The following CHRM3 variants were observed in gnomAD, a reference collection of about 807,000 sequenced individuals.
CHRM3 encodes the protein cholinergic receptor muscarinic 3, also known as muscarinic acetylcholine receptor M3.
In CHRM3, 11 loss-of-function variants were observed where a neutral mutation model predicts 41.8. That is an observed-to-expected ratio of 0.26 (90% CI 0.17 to 0.44). The LOEUF is 0.44. Among genes scored for constraint, CHRM3 ranks in the 20% least tolerant of loss-of-function variants. The pLI, the probability that CHRM3 is intolerant of heterozygous loss-of-function variation, is 1.00. For synonymous variants in CHRM3, 297 were observed against 301.4 expected (o/e 0.99, Z 0.15); for missense variants, 571 against 745.4 (o/e 0.77, Z 2.72).
chr1:239,496,354 T>C (rs1667879502), intron 2 of CHRM3, among the ~76,000 whole-genome samples: 1 of 152,128 alleles, frequency 6.6e-6, no homozygotes. Context: ...GTTTATTTAA[T>C]CTCTGTAATC....
intron 3 of CHRM3, among the ~76,000 whole-genome samples, chr1:239,580,734 A>AC (rs1558337296): frequency 4.5e-5 from 4 of 89,096 alleles, no homozygotes; most frequent in African/African-American, 1.3e-4. Context: ...CACACACACA[A>AC]GTGCATATAT....
intron 3 of CHRM3, among the ~76,000 whole-genome samples, chr1:239,623,017 A>G (rs888338840): frequency 6.6e-6 from 1 of 152,102 alleles, no homozygotes; most frequent in Non-Finnish European, 1.5e-5. Flanking sequence ...CACCCTGATC[A>G]GTCAGCACCC....
chr1:239,731,302 C>G (rs1663943567), intron 5 of CHRM3, among the ~76,000 whole-genome samples: 1 of 151,870 alleles, frequency 6.6e-6, no homozygotes, highest in Non-Finnish European at 1.5e-5. Flanking sequence ...ACTGAGAGCA[C>G]TCAGACAGTG....
Position 239,833,194 on chromosome 1 carries a change from A to C in CHRM3, c.-20+5816A>C, listed in dbSNP as rs189443707. 9.2e-5 allele frequency among the ~76,000 whole-genome samples: 14 copies of C among 152,304 alleles called. No homozygotes were observed. The East Asian group carries it at 2.1e-3, about 23-fold the overall frequency. On this transcript the variant is annotated intron_variant, in intron 6 of 6. Coordinates refer to ENST00000676153, the MANE Select transcript of CHRM3 (RefSeq NM_001375978.1). ...TAAGTATGGGCCAGGCGTGGACCAG[A>C]GGTTAAGGTGACTTGGTCCCTCCCT...
chr1:239,797,809 A>G (rs1308322048), intron 5 of CHRM3, among the ~76,000 whole-genome samples: 2 of 152,170 alleles, frequency 1.3e-5, no homozygotes, highest in Middle Eastern at 3.2e-3. Context: ...GTTACTCAGG[A>G]GGCTGAGGCG....
intron 5 of CHRM3, among the ~76,000 whole-genome samples, chr1:239,774,056 A>G (rs1391950012): frequency 1.3e-5 from 2 of 152,208 alleles, no homozygotes; most frequent in South Asian, 4.1e-4. Flanking sequence ...TCTGTAATAT[A>G]TGAGAAAATA....
At chr1:239,755,962 A>G (rs1462508418) in intron 5 of CHRM3, among the ~76,000 whole-genome samples, 1 of 152,230 alleles carries the variant, frequency 6.6e-6, no homozygotes, top group Non-Finnish European at 1.5e-5. Flanking sequence ...CGTATTCCCT[A>G]ATAAAACTAT....
At chr1:239,434,156 C>A (rs2103195759) in intron 1 of CHRM3, among the ~76,000 whole-genome samples, 1 of 152,340 alleles carries the variant, frequency 6.6e-6, no homozygotes. Context: ...ATCACAGTCT[C>A]ATCAGATTAC....
intron 1 of CHRM3, among the ~76,000 whole-genome samples, chr1:239,390,798 A>G (rs944544050): frequency 6.6e-6 from 1 of 152,132 alleles, no homozygotes; most frequent in Non-Finnish European, 1.5e-5. Flanking sequence ...TGCATGCCCC[A>G]GACAGTATAG....
At chr1:239,799,633 A>G (rs573140314) in intron 5 of CHRM3, among the ~76,000 whole-genome samples, 2 of 152,312 alleles carry the variant, frequency 1.3e-5, no homozygotes, top group Admixed American at 1.3e-4. Flanking sequence ...AGAAACAGGC[A>G]TATTAGGCTG....
intron 5 of CHRM3, among the ~76,000 whole-genome samples, chr1:239,807,699 A>G (rs1225419789): frequency 1.3e-5 from 2 of 152,164 alleles, no homozygotes; most frequent in African/African-American, 4.8e-5. Flanking sequence ...GCTCTGTTAA[A>G]TTTTAGCTCA....
At chr1:239,815,177 A>G in intron 5 of CHRM3, among the ~76,000 whole-genome samples, 1 of 152,244 alleles carries the variant, frequency 6.6e-6, no homozygotes, top group East Asian at 1.9e-4. Context: ...GAGAAAAAGT[A>G]AATTTTAAGA....
At chr1:239,710,006 A>G (rs757800826) in intron 5 of CHRM3, among the ~76,000 whole-genome samples, 5 of 152,188 alleles carry the variant, frequency 3.3e-5, no homozygotes, top group African/African-American at 4.8e-5. Context: ...ACCTATGCCA[A>G]ATGAGGAAGG....
At chr1:239,455,201 G>A (rs960576250) in intron 1 of CHRM3, among the ~76,000 whole-genome samples, 5 of 151,892 alleles carry the variant, frequency 3.3e-5, no homozygotes, top group Non-Finnish European at 4.4e-5. Context: ...ACAAGCATAC[G>A]CTACCACGCC....
chr1:239,815,815 A>G (rs1261871804), intron 5 of CHRM3, among the ~76,000 whole-genome samples: 2 of 152,158 alleles, frequency 1.3e-5, no homozygotes, highest in African/African-American at 4.8e-5. Context: ...GTCTGAGGCT[A>G]CATCTTAGGT....
At chr1:239,503,661 AACTAT>A (rs1428361906) in intron 2 of CHRM3, among the ~76,000 whole-genome samples, 3 of 152,220 alleles carry the variant, frequency 2.0e-5, no homozygotes, top group Non-Finnish European at 4.4e-5. Context: ...CCTGATTTCC[AACTAT>A]ACTATAAGGC....
chr1:239,885,779 A>T (rs984550820), intron 6 of CHRM3, among the ~76,000 whole-genome samples: 3 of 152,104 alleles, frequency 2.0e-5, no homozygotes, highest in African/African-American at 7.2e-5. Flanking sequence ...AGGAACCTTC[A>T]AGTCTCCACT....
At chr1:239,506,129 G>C (rs957621899) in intron 2 of CHRM3, among the ~76,000 whole-genome samples, 3 of 152,064 alleles carry the variant, frequency 2.0e-5, no homozygotes, top group African/African-American at 7.2e-5. Context: ...CTGGCAATGA[G>C]ATAGAAAAAA....
chr1:239,564,501 TTAAG>T (rs1383297672), intron 3 of CHRM3, among the ~76,000 whole-genome samples: 2 of 152,188 alleles, frequency 1.3e-5, no homozygotes, highest in Non-Finnish European at 2.9e-5. Flanking sequence ...AATCTCTTTA[TTAAG>T]TATCACAAAG....
Sources: gnomAD v4.1 joint callset for allele counts (sites outside exome capture counted in the v4.1 genomes callset) on GRCh38, gnomAD v4.1.1 for gene constraint, MANE v1.5 for transcripts, NCBI Gene and HGNC (gene_info 2026-07-23, HGNC 2026-07-21) for gene names.